MAGI1: variants seen among roughly 807,000 people sequenced by gnomAD.
MAGI1 encodes membrane-associated guanylate kinase, WW and PDZ domain-containing protein 1.
Under a neutral mutation model 139.9 loss-of-function variants are expected in MAGI1, and 58 were observed. That is an observed-to-expected ratio of 0.41 (90% confidence interval 0.34 to 0.52). The LOEUF (loss-of-function observed/expected upper bound fraction) is 0.52, where lower values mean the gene tolerates loss of function less well. Among genes scored for constraint, MAGI1 ranks in the 20% least tolerant of loss-of-function variants. MAGI1 has a pLI of 0.12. For missense variants in MAGI1, 1,874 were observed against 1,901.6 expected (o/e 0.99, Z 0.27); for synonymous variants, 812 against 737.9 (o/e 1.10, Z -1.63).
intron 1 of MAGI1, among the ~76,000 whole-genome samples, chr3:65,914,496 G>C (rs891768175): frequency 6.6e-6 from 1 of 152,184 alleles, no homozygotes; most frequent in African/African-American, 2.4e-5. Context: ...GAGGGGACCT[G>C]AGAGTTCAAG....
chr3:65,972,460 AAATT>A (rs34959388), intron 1 of MAGI1, among the ~76,000 whole-genome samples: 124,327 of 151,612 alleles, frequency 0.82, 51,155 homozygotes, highest in Admixed American at 0.89. Flanking sequence ...AAATTATAAT[AAATT>A]AATTAATTAG....
At chr3:65,791,924 C>A (rs564976389) in intron 1 of MAGI1, among the ~76,000 whole-genome samples, 1 of 152,236 alleles carries the variant, frequency 6.6e-6, no homozygotes, top group Non-Finnish European at 1.5e-5. Flanking sequence ...TTAGCCCCAT[C>A]CAAATCCTTT....
intron 1 of MAGI1, among the ~76,000 whole-genome samples, chr3:65,973,022 C>T (rs1217810387): frequency 2.6e-5 from 4 of 152,090 alleles, no homozygotes; most frequent in Non-Finnish European, 5.9e-5. Context: ...TGGTGGCTCA[C>T]ACCTGTAGTC....
intron 2 of MAGI1, among the ~76,000 whole-genome samples, chr3:65,509,163 A>G (rs373230556): frequency 4.8e-4 from 3 of 6,314 alleles, no homozygotes; most frequent in African/African-American, 5.2e-4. Context: ...CTTGGCCTCC[A>G]ATGGGTTGTT....
At chr3:65,671,152 G>A (rs2086833764) in intron 1 of MAGI1, among the ~76,000 whole-genome samples, 1 of 152,152 alleles carries the variant, frequency 6.6e-6, no homozygotes, top group East Asian at 1.9e-4. Flanking sequence ...TGAGACAACT[G>A]AGCTTCAAGA....
chr3:65,893,441 G>C (rs1220971976), intron 1 of MAGI1, among the ~76,000 whole-genome samples: 1 of 151,396 alleles, frequency 6.6e-6, no homozygotes, highest in Non-Finnish European at 1.5e-5. Context: ...CACAATTAAC[G>C]TTAAGTTTCT....
intron 1 of MAGI1, among the ~76,000 whole-genome samples, chr3:65,762,608 C>T (rs533478824): frequency 6.6e-6 from 1 of 152,236 alleles, no homozygotes; most frequent in East Asian, 1.9e-4. Flanking sequence ...AACAAAAATG[C>T]TATCAGTAAC....
intron 12 of MAGI1, among the ~76,000 whole-genome samples, chr3:65,410,159 T>C (rs1945674183): frequency 6.6e-6 from 1 of 152,192 alleles, no homozygotes. Context: ...GAGAAATAAA[T>C]GGTCACTCCA....
Position 65,379,273 on chromosome 3 carries a change from C to G in MAGI1, c.2983G>C (p.Gly995Arg). Residue 995 changes from glycine to arginine, a missense_variant, in exon 17 of 23, where the codon GGC (glycine) becomes CGC (arginine). By Grantham distance (125) the Gly-to-Arg change is moderately radical. Coordinates refer to ENST00000402939, the MANE Select transcript of MAGI1 (RefSeq NM_001033057.2). The part of the protein sequence containing the change: ...IVSSVSRPEA[G>R]TTFGNACVAM... ...GTTCAGCACTCACCAAAGGTCGTGC[C>G]TGCTTCGGGCCTGCTCACCGAGGAC... 1.2e-6 allele frequency: 2 copies of G among 1,612,316 alleles called. No homozygotes were observed. The highest frequency in any genetic ancestry group is 1.7e-6 in the Non-Finnish European group (2 of 1,179,162).
At chr3:65,883,241 G>A (rs2060405185) in intron 1 of MAGI1, among the ~76,000 whole-genome samples, 1 of 152,010 alleles carries the variant, frequency 6.6e-6, no homozygotes, top group Non-Finnish European at 1.5e-5. Flanking sequence ...AAGGATTCAG[G>A]CATTTTACTA....
chr3:65,540,439 C>T (rs1433189806), intron 2 of MAGI1, among the ~76,000 whole-genome samples: 1 of 152,020 alleles, frequency 6.6e-6, no homozygotes, highest in Admixed American at 6.6e-5. Flanking sequence ...TTCCCAGTGC[C>T]TAAAAAAGTG....
In MAGI1 at chr3:65,507,455, T is replaced by C. The variant is rs80151608; in HGVS notation, c.431-13824A>G. Among the ~76,000 whole-genome samples the C allele has an allele frequency of 7.3e-3, 1,113 of 152,342 alleles. 13 individuals carry two copies. The highest frequency in any genetic ancestry group is 0.026 in the African/African-American group (1,064 of 41,578). ...ACATGAGACAACACATGTGTTAGCCTGGTCATAATATGGGTTCTCAGGCAG... is the reference window on the plus strand; with the variant it reads ...ACATGAGACAACACATGTGTTAGCCCGGTCATAATATGGGTTCTCAGGCAG... On this transcript the variant is annotated intron_variant, in intron 2 of 22. Transcript: ENST00000402939.
intron 1 of MAGI1, among the ~76,000 whole-genome samples, chr3:65,696,939 GT>G (rs2089247809): frequency 6.6e-6 from 1 of 152,084 alleles, no homozygotes; most frequent in African/African-American, 2.4e-5. Flanking sequence ...CGAGGAGCTG[GT>G]TTTTTGAAAG....
chr3:65,475,229 T>C (rs908686942), intron 4 of MAGI1, among the ~76,000 whole-genome samples: 2 of 152,150 alleles, frequency 1.3e-5, no homozygotes, highest in African/African-American at 4.8e-5. Context: ...CTTTCTTTTT[T>C]TTGAGATGGA....
intron 6 of MAGI1, among the ~76,000 whole-genome samples, chr3:65,449,529 C>T (rs1355040456): frequency 1.3e-5 from 2 of 152,100 alleles, no homozygotes; most frequent in African/African-American, 2.4e-5. Context: ...AATCCTAGCA[C>T]TTTGGGAGGC....
intron 1 of MAGI1, among the ~76,000 whole-genome samples, chr3:65,748,134 G>A (rs1263188614): frequency 2.0e-5 from 3 of 152,190 alleles, no homozygotes; most frequent in Non-Finnish European, 4.4e-5. Flanking sequence ...TCCAAGCATG[G>A]GCCAGGGTGC....
At chr3:65,455,464 A>C (rs984804538) in intron 5 of MAGI1, among the ~76,000 whole-genome samples, 13 of 152,196 alleles carry the variant, frequency 8.5e-5, no homozygotes, top group African/African-American at 2.9e-4. Flanking sequence ...TAACTCCAGC[A>C]CTTTGGAATG....
chr3:65,844,906 C>A (rs896010837), intron 1 of MAGI1, among the ~76,000 whole-genome samples: 1 of 152,144 alleles, frequency 6.6e-6, no homozygotes, highest in Non-Finnish European at 1.5e-5. Flanking sequence ...TGTGGCCATG[C>A]ATTAATTTGC....
At chr3:65,654,178 G>A (rs2085738500) in intron 1 of MAGI1, among the ~76,000 whole-genome samples, 1 of 152,094 alleles carries the variant, frequency 6.6e-6, no homozygotes, top group Admixed American at 6.6e-5. Flanking sequence ...ACATTAAATT[G>A]TTTTAGAATG....
Sources: gnomAD v4.1 joint callset for allele counts (sites outside exome capture counted in the v4.1 genomes callset) on GRCh38, gnomAD v4.1.1 for gene constraint, MANE v1.5 for transcripts, NCBI Gene and HGNC (gene_info 2026-07-23, HGNC 2026-07-21) for gene names.